Variants in HS2ST1 observed in about 807,000 individuals in gnomAD.
HS2ST1 encodes the protein heparan sulfate 2-O-sulfotransferase 1.
HS2ST1 carries 18 observed loss-of-function variants against 42.9 expected under a neutral mutation model. The observed-to-expected ratio is 0.42, with a 90% CI of 0.29 to 0.62. HS2ST1 has a LOEUF of 0.62. Among genes scored for constraint, HS2ST1 ranks in the 20% least tolerant of loss-of-function variants. The pLI, the probability that HS2ST1 is intolerant of heterozygous loss-of-function variation, is 0.21. For synonymous variants in HS2ST1, 146 were observed against 152.9 expected, an observed-to-expected ratio of 0.95 and a Z score of 0.33; for missense variants, 334 against 433.8, an observed-to-expected ratio of 0.77 and a Z score of 2.04.
chr1:87,019,231 A>G (rs1649850670), intron 1 of HS2ST1, among the ~76,000 whole-genome samples: 1 of 152,216 alleles, frequency 6.6e-6, no homozygotes, highest in Non-Finnish European at 1.5e-5. Context: ...TTTCCTTAGT[A>G]ATTTTATGAA....
chr1:87,101,150 T>TTG (rs1652192455), intron 5 of HS2ST1, among the ~76,000 whole-genome samples: 2 of 65,234 alleles, frequency 3.1e-5, no homozygotes, highest in Non-Finnish European at 6.3e-5. Flanking sequence ...TGTGTGTGTG[T>TTG]TTTTTGTTTT....
chr1:86,978,861 CTTTTTTT>C (rs55812524), intron 1 of HS2ST1, among the ~76,000 whole-genome samples: 1 of 98,670 alleles, frequency 1.0e-5, no homozygotes, highest in African/African-American at 3.8e-5. Flanking sequence ...ACTTGTGAAT[CTTTTTTT>C]TTTTTTTTTT....
At chr1:87,034,780 T>G (rs962865296) in intron 1 of HS2ST1, among the ~76,000 whole-genome samples, 1 of 152,218 alleles carries the variant, frequency 6.6e-6, no homozygotes, top group Non-Finnish European at 1.5e-5. Context: ...ATGCCCATTG[T>G]TTTCAGCTAA....
chr1:87,004,668 G>C (rs1420630340), intron 1 of HS2ST1, among the ~76,000 whole-genome samples: 1 of 152,114 alleles, frequency 6.6e-6, no homozygotes, highest in Non-Finnish European at 1.5e-5. Flanking sequence ...TCCATCCATA[G>C]TTTGATACGA....
intron 4 of HS2ST1, among the ~76,000 whole-genome samples, chr1:87,093,769 G>C (rs1320014518): frequency 6.6e-6 from 1 of 151,960 alleles, no homozygotes; most frequent in East Asian, 1.9e-4. Context: ...CAGATACTTG[G>C]TATGTTAATG....
At chr1:86,964,812 A>G (rs1647995992) in intron 1 of HS2ST1, among the ~76,000 whole-genome samples, 2 of 152,242 alleles carry the variant, frequency 1.3e-5, no homozygotes, top group Admixed American at 1.3e-4. Flanking sequence ...TAAAGGTTAC[A>G]CAGTTCAATT....
chr1:87,044,956 G>C lies in HS2ST1; in HGVS notation c.125-27978G>C, dbSNP rs878915001. 65 of 1,589,320 alleles carry C rather than the reference G, an allele frequency of 4.1e-5. No homozygotes were observed. The South Asian group carries it at 6.6e-4, about 16-fold the overall frequency. On this transcript the variant is annotated intron_variant, in intron 1 of 6. Coordinates refer to ENST00000370550, the MANE Select transcript of HS2ST1 (RefSeq NM_012262.4). The stretch of plus-strand genomic sequence containing the variant: ...CAATCTAATGCTATGACATCATCCA[G>C]CTCTTCCTTCTGTTCTATACGTGAC...
rs569699409 is a variant in HS2ST1, at chr1:87,063,825, A to G, written c.125-9109A>G. 1.2e-3 allele frequency among the ~76,000 whole-genome samples: 184 copies of G among 152,162 alleles called. 1 individual carries two copies. The highest frequency in any genetic ancestry group is 4.1e-3 in the African/African-American group (172 of 41,488). ...GGTCATTTCTTGATTGTCTTTATTC[A>G]TTGAGTTTGAGATCCTGCTGGTTCT... On this transcript the variant is annotated intron_variant, in intron 1 of 6. Coordinates refer to ENST00000370550, the MANE Select transcript of HS2ST1 (RefSeq NM_012262.4).
chr1:86,977,838 A>G (rs557138254), intron 1 of HS2ST1, among the ~76,000 whole-genome samples: 26 of 152,338 alleles, frequency 1.7e-4, no homozygotes, highest in African/African-American at 5.8e-4. Context: ...GATACGGAGA[A>G]CATGAGAAGT....
intron 3 of HS2ST1, among the ~76,000 whole-genome samples, chr1:87,084,523 T>G (rs1651768232): frequency 6.6e-6 from 1 of 152,122 alleles, no homozygotes; most frequent in South Asian, 2.1e-4. Context: ...TATTATTGTG[T>G]GTATATGCCT....
chr1:87,000,229 A>G (rs918090930), intron 1 of HS2ST1, among the ~76,000 whole-genome samples: 18 of 152,302 alleles, frequency 1.2e-4, no homozygotes, highest in East Asian at 9.6e-4. Context: ...GACCTTATCA[A>G]ATGTACAGGT....
intron 1 of HS2ST1, among the ~76,000 whole-genome samples, chr1:87,030,691 T>TA (rs1333486938): frequency 6.6e-6 from 1 of 152,242 alleles, no homozygotes; most frequent in Non-Finnish European, 1.5e-5. Context: ...ATCCTTCAGT[T>TA]AATCTAAGTT....
intron 1 of HS2ST1, among the ~76,000 whole-genome samples, chr1:86,986,973 A>G (rs200089361): frequency 6.6e-6 from 1 of 151,458 alleles, no homozygotes; most frequent in East Asian, 1.9e-4. Context: ...GCCTGGGTAG[A>G]TACTCCCTGT....
chr1:86,945,726 G>A (rs1329492089), intron 1 of HS2ST1, among the ~76,000 whole-genome samples: 7 of 152,094 alleles, frequency 4.6e-5, no homozygotes, highest in Non-Finnish European at 7.3e-5. Flanking sequence ...ATCTACTACA[G>A]GAATATGAAC....
chr1:87,096,497 G>A (rs1255932190), intron 4 of HS2ST1, among the ~76,000 whole-genome samples: 2 of 152,170 alleles, frequency 1.3e-5, no homozygotes, highest in African/African-American at 4.8e-5. Flanking sequence ...TATGGTGGCA[G>A]ATACAAGTTT....
At chr1:86,985,811 C>T (rs182441176) in intron 1 of HS2ST1, among the ~76,000 whole-genome samples, 1 of 151,984 alleles carries the variant, frequency 6.6e-6, no homozygotes, top group Non-Finnish European at 1.5e-5. Context: ...TGCTTGTTCC[C>T]CCTTACTGTA....
At chr1:86,997,009 G>A (rs1205411525) in intron 1 of HS2ST1, among the ~76,000 whole-genome samples, 2 of 152,086 alleles carry the variant, frequency 1.3e-5, no homozygotes, top group African/African-American at 4.8e-5. Flanking sequence ...GAGAGCAGCC[G>A]GTGTAGGTTC....
chr1:87,064,803 G>C (rs1370635195), intron 1 of HS2ST1, among the ~76,000 whole-genome samples: 1 of 152,060 alleles, frequency 6.6e-6, no homozygotes, highest in Non-Finnish European at 1.5e-5. Flanking sequence ...TGGGACTACA[G>C]GCATGCACCA....
chr1:87,074,352 T>C (rs1246609633), intron 2 of HS2ST1, among the ~76,000 whole-genome samples: 1 of 152,228 alleles, frequency 6.6e-6, no homozygotes, highest in East Asian at 1.9e-4. Flanking sequence ...TCTGTTTTTA[T>C]ACAGTGTGTA....
Sources: allele counts gnomAD v4.1 joint callset (sites outside exome capture counted in the v4.1 genomes callset), GRCh38; gene constraint gnomAD v4.1.1; transcripts MANE v1.5; gene names NCBI Gene and HGNC (gene_info 2026-07-23, HGNC 2026-07-21).